The following GTSE1 variants were observed in gnomAD, a reference collection of about 807,000 sequenced individuals.
GTSE1 encodes the protein G2 and S phase-expressed protein 1.
A neutral mutation model predicts 60.5 loss-of-function variants in GTSE1; 52 were observed. That is an observed-to-expected ratio of 0.86 (90% confidence interval 0.69 to 1.08). GTSE1 has a LOEUF of 1.08. Ranked by LOEUF, GTSE1 falls within the 50% of genes least tolerant of loss-of-function variation. The pLI is 0.00. For synonymous variants in GTSE1, 368 were observed against 386.5 expected (o/e 0.95, Z 0.56); for missense variants, 937 against 961.8 (o/e 0.97, Z 0.34).
chr22:46,298,432 C>T (rs572253610), intron 2 of GTSE1, among the ~76,000 whole-genome samples: 6 of 151,884 alleles, frequency 4.0e-5, no homozygotes, highest in Non-Finnish European at 5.9e-5. Context: ...CTCAGCCTCC[C>T]GAGTAGCTGG....
chr22:46,311,021 G>A (rs1172153154), intron 4 of GTSE1, among the ~76,000 whole-genome samples: 1 of 152,114 alleles, frequency 6.6e-6, no homozygotes, highest in Non-Finnish European at 1.5e-5. Flanking sequence ...TGGGGCTGGG[G>A]AGGATGAGGG....
rs931529415 is a variant in GTSE1 at position 46,317,054 on chromosome 22, C to T, written c.1432+642C>T. 6.6e-6 allele frequency among the ~76,000 whole-genome samples: 1 copy of T among 152,046 alleles called. No individual in the cohort carries two copies. The highest frequency in any genetic ancestry group is 2.1e-4 in the South Asian group (1 of 4,828). On this transcript the variant is annotated intron_variant, in intron 7 of 11. Transcript: ENST00000454366. The surrounding 1 kb of genome is among the most constrained non-coding windows in gnomAD (Gnocchi z 5.6). ...TCAGCGCACTGTAACCTCCACCTAC[C>T]GAGTTCAAGCAATTCTCCTGCCTCA...
Position 46,324,318 on chromosome 22 carries a change from C to T in GTSE1, c.1505+1056C>T, listed in dbSNP as rs992404079. 6.6e-6 allele frequency among the ~76,000 whole-genome samples: 1 copy of T among 152,162 alleles called. No homozygotes were observed. The highest frequency in any genetic ancestry group is 1.5e-5 in the Non-Finnish European group (1 of 68,022). On this transcript the variant is annotated intron_variant, in intron 8 of 11. Coordinates refer to ENST00000454366, the MANE Select transcript of GTSE1 (RefSeq NM_016426.7). The surrounding 1 kb of genome is among the most constrained non-coding windows in gnomAD (Gnocchi z 5.2). Reference sequence around the variant, plus strand: ...ACTTGCCTCTCTGTGCCTCAGTTTCCTCACCTCACCCAGGGTTACTTTGAG... The same window carrying T: ...ACTTGCCTCTCTGTGCCTCAGTTTCTTCACCTCACCCAGGGTTACTTTGAG...
rs6008650 is a variant in GTSE1 at position 46,316,787 on chromosome 22, G to A, written c.1432+375G>A. ...GTTTTTTTCAGCAAATTTGGAAAAC[G>A]TTGGCCATTATTTCTTCAGCTATCT... On this transcript the variant is annotated intron_variant, in intron 7 of 11. Transcript: ENST00000454366. This position sits in a 1 kb window ranked among gnomAD's most constrained non-coding sequence, Gnocchi z 5.0. 3.3e-5 allele frequency among the ~76,000 whole-genome samples: 5 copies of A among 152,086 alleles called. No homozygotes were observed. Among genetic ancestry groups the A allele is most frequent in the African/African-American group, 1.2e-4 (5 of 41,404 alleles).
chr22:46,301,487 CTTT>C lies in GTSE1; in HGVS notation c.79+4023_79+4025del, dbSNP rs1201828353. ...TCTCAGAGCAAGTTTATTTTTAATA[CTTT>C]TTTTTTTTTTTTTTAAGACAGAGTT... On this transcript the variant is annotated intron_variant, in intron 2 of 11. Coordinates refer to ENST00000454366, the MANE Select transcript of GTSE1 (RefSeq NM_016426.7). Among the ~76,000 whole-genome samples the C allele has an allele frequency of 1.6e-5, 2 of 124,002 alleles. 1 individual carries two copies. Among genetic ancestry groups the C allele is most frequent in the Non-Finnish European group, 3.5e-5 (2 of 56,622 alleles). The allele number at this position is 124,002 out of a possible 152,430, so 81.4% of individuals were successfully genotyped here.
At position 46,329,906 on chromosome 22, in the gene GTSE1, G is replaced by A. The variant is rs376195840; in HGVS notation, c.2137-141G>A. The A allele has an allele frequency of 3.1e-6, 2 of 647,022 alleles. No individual in the cohort carries two copies. Among genetic ancestry groups the A allele is most frequent in the African/African-American group, 1.8e-5 (1 of 55,434 alleles). 40.1% of individuals were successfully genotyped at this position (647,022 alleles called of 1,614,324 possible). On this transcript the variant is annotated intron_variant, in intron 11 of 11. Coordinates refer to ENST00000454366, the MANE Select transcript of GTSE1 (RefSeq NM_016426.7). This position sits in a 1 kb window ranked among gnomAD's most constrained non-coding sequence, Gnocchi z 6.4. The stretch of plus-strand genomic sequence containing the variant: ...CTCCTTCCAGCTTCTTAGACGTGGT[G>A]GCCCAGAGTGCTTTTCAGTGCACCC...
At position 46,309,897 on chromosome 22, in the gene GTSE1, A is replaced by G. The variant is rs6007821; in HGVS notation, c.762+954A>G. ...GGATGGGTCCTGCTGTGTGGAGCAC[A>G]CGTGGACTCGGGACAGGGATTGTGC... On this transcript the variant is annotated intron_variant, in intron 4 of 11. Coordinates refer to ENST00000454366, the MANE Select transcript of GTSE1 (RefSeq NM_016426.7). This position sits in a 1 kb window ranked among gnomAD's most constrained non-coding sequence, Gnocchi z 6.2. Among the ~76,000 whole-genome samples, 7,267 of 152,294 alleles carry G rather than the reference A, an allele frequency of 0.048. 593 individuals are homozygous for G. Among genetic ancestry groups the G allele is most frequent in the African/African-American group, 0.17 (6,882 of 41,544 alleles).
At chr22:46,307,818 A>T (rs1297390470) in intron 2 of GTSE1, among the ~76,000 whole-genome samples, 1 of 152,088 alleles carries the variant, frequency 6.6e-6, no homozygotes, top group Non-Finnish European at 1.5e-5. Context: ...GCAATTAAAA[A>T]AAAAAAAAAC....
At position 46,320,349 on chromosome 22, in the gene GTSE1, C is replaced by G. The variant is rs2077805476; in HGVS notation, c.1433-2841C>G. Among the ~76,000 whole-genome samples the G allele has an allele frequency of 6.6e-6, 1 of 152,220 alleles. No individual in the cohort carries two copies. Among genetic ancestry groups the G allele is most frequent in the African/African-American group, 2.4e-5 (1 of 41,458 alleles). ...TCTCTCCACAATGCTGGGAACAGGA[C>G]TGTCTCTTGCACGCCTTTGGTCATT... On this transcript the variant is annotated intron_variant, in intron 7 of 11. Transcript: ENST00000454366. The surrounding 1 kb of genome is among the most constrained non-coding windows in gnomAD (Gnocchi z 7.1).
chr22:46,299,897 A>G (rs1167107846), intron 2 of GTSE1, among the ~76,000 whole-genome samples: 1 of 149,234 alleles, frequency 6.7e-6, no homozygotes, highest in Non-Finnish European at 1.5e-5. Context: ...GGTTCAAGCA[A>G]TTCTCCTGCC....
In GTSE1 at chr22:46,330,472, G is replaced by A; in HGVS notation, c.*342G>A. 1 of 186,460 alleles carries A rather than the reference G, an allele frequency of 5.4e-6. No individual in the cohort carries two copies. The highest frequency in any genetic ancestry group is 1.1e-5 in the Non-Finnish European group (1 of 91,020). The allele number at this position is 186,460 out of a possible 1,614,324, so 11.6% of individuals were successfully genotyped here. ...CACTCCAGCCTGGGCACCAATGTGA[G>A]AACCTGTCTTGGAAAAAAAAAAAAA... On this transcript the variant is annotated 3_prime_UTR_variant, in exon 12 of 12. Coordinates refer to ENST00000454366, the MANE Select transcript of GTSE1 (RefSeq NM_016426.7). This position sits in a 1 kb window ranked among gnomAD's most constrained non-coding sequence, Gnocchi z 6.0.
intron 3 of GTSE1, 37 bp from the exon 4 acceptor site, chr22:46,308,282 T>G: frequency 6.2e-7 from 1 of 1,608,776 alleles, no homozygotes; most frequent in Non-Finnish European, 8.5e-7. Flanking sequence ...AATGCCAGTG[T>G]TATGAGTTAT....
chr22:46,305,220 T>C (rs1459527982), intron 2 of GTSE1, among the ~76,000 whole-genome samples: 1 of 152,264 alleles, frequency 6.6e-6, no homozygotes, highest in Non-Finnish European at 1.5e-5. Context: ...GATAGCTCTT[T>C]AATAAATTTC....
rs1468703976 is a variant in GTSE1 at position 46,308,792 on chromosome 22, G to A, written c.611G>A (p.Gly204Glu). 8 of 1,613,196 alleles carry A rather than the reference G, an allele frequency of 5.0e-6. No homozygotes were observed. In the South Asian group the frequency reaches 8.8e-5, roughly 18 times the overall value. The change falls in exon 4 of 12, where the codon GGG (glycine) becomes GAG (glutamate). Residue 204 changes from glycine to glutamate, a missense_variant. Gly to Glu is a moderately conservative substitution (Grantham distance 98). Transcript: ENST00000454366. ...CAGGCCCGCCTCACCCGGGCGCCGG[G>A]GCCTCCGCACTCTGCTCATGCTTTG... is the stretch of plus-strand genomic sequence containing the variant. Reference protein sequence around the residue: ...GAQARLTRAPGPPHSAHALPR... With the variant: ...GAQARLTRAPEPPHSAHALPR...
chr22:46,320,174 T>C lies in GTSE1; in HGVS notation c.1433-3016T>C, dbSNP rs2077804315. Among the ~76,000 whole-genome samples, 1 of 152,132 alleles carries C rather than the reference T, an allele frequency of 6.6e-6. No homozygotes were observed. Among genetic ancestry groups the C allele is most frequent in the African/African-American group, 2.4e-5 (1 of 41,418 alleles). ...TGACCACGTTGGCACAAGTGTTGGCTGGTCTCCTGGCTGTCGGGCTGCTTG... is the reference window on the plus strand; with the variant it reads ...TGACCACGTTGGCACAAGTGTTGGCCGGTCTCCTGGCTGTCGGGCTGCTTG... On this transcript the variant is annotated intron_variant, in intron 7 of 11. Transcript: ENST00000454366. The surrounding 1 kb of genome is among the most constrained non-coding windows in gnomAD (Gnocchi z 7.1).
rs1035008051 is a variant in GTSE1, at chr22:46,313,205, C to T, written c.928-685C>T. 2.0e-5 allele frequency among the ~76,000 whole-genome samples: 3 copies of T among 150,108 alleles called. No individual in the cohort carries two copies. Among genetic ancestry groups the T allele is most frequent in the East Asian group, 2.0e-4 (1 of 5,076 alleles). ...AAAAAAAGGAAAAGAAAGAAAATTG[C>T]GGTTCCTCACAGGCATGGAGACTAC... On this transcript the variant is annotated intron_variant, in intron 5 of 11. Coordinates refer to ENST00000454366, the MANE Select transcript of GTSE1 (RefSeq NM_016426.7). The surrounding 1 kb of genome is among the most constrained non-coding windows in gnomAD (Gnocchi z 4.4).
chr22:46,299,913 C>CT (rs1351865096), intron 2 of GTSE1, among the ~76,000 whole-genome samples: 3 of 150,564 alleles, frequency 2.0e-5, no homozygotes, highest in South Asian at 2.1e-4. Flanking sequence ...CTGCCTCAGC[C>CT]TCCTGAGTAT....
chr22:46,330,337 C>G lies in GTSE1; in HGVS notation c.*207C>G. The G allele has an allele frequency of 2.0e-6, 1 of 506,704 alleles. No individual in the cohort carries two copies. The highest frequency in any genetic ancestry group is 2.2e-5 in the South Asian group (1 of 46,334). The allele number at this position is 506,704 out of a possible 1,614,324, so 31.4% of individuals were successfully genotyped here. ...TCCCTACAAAAAATACAAAAATTAG[C>G]CGGGTGTGGTAGTGCATGCCTGTAG... On this transcript the variant is annotated 3_prime_UTR_variant, in exon 12 of 12. Transcript: ENST00000454366. This position sits in a 1 kb window ranked among gnomAD's most constrained non-coding sequence, Gnocchi z 6.0.
At chr22:46,301,076 G>A (rs889374940) in intron 2 of GTSE1, among the ~76,000 whole-genome samples, 1 of 152,190 alleles carries the variant, frequency 6.6e-6, no homozygotes, top group Admixed American at 6.5e-5. Flanking sequence ...ATCAACACAT[G>A]AAGAGCATTA....
Sources: gnomAD v4.1 joint callset for allele counts (sites outside exome capture counted in the v4.1 genomes callset) on GRCh38, gnomAD v4.1.1 for gene constraint, Gnocchi (gnomAD v3.1) non-coding constraint, MANE v1.5 for transcripts, NCBI Gene and HGNC (gene_info 2026-07-23, HGNC 2026-07-21) for gene names.